CACNA2D4: variants seen among roughly 807,000 people sequenced by gnomAD.
CACNA2D4 encodes calcium voltage-gated channel auxiliary subunit alpha2delta 4, also known as voltage-dependent calcium channel subunit alpha-2/delta-4.
A neutral mutation model predicts 163.8 loss-of-function variants in CACNA2D4; 157 were observed. That is an observed-to-expected ratio of 0.96 (90% CI 0.84 to 1.09). The LOEUF is 1.09. CACNA2D4 is among the 50% of genes least tolerant of loss of function. CACNA2D4 has a pLI of 0.00. For missense variants in CACNA2D4, 1,410 were observed against 1,479.9 expected (o/e 0.95, Z 0.78); for synonymous variants, 598 against 586.9 (o/e 1.02, Z -0.27).
At chr12:1,849,493 G>C (rs1423484328) in intron 23 of CACNA2D4, among the ~76,000 whole-genome samples, 1 of 152,176 alleles carries the variant, frequency 6.6e-6, no homozygotes, top group Non-Finnish European at 1.5e-5. Flanking sequence ...ATTCCCGTAT[G>C]TTCGATTATT....
intron 26 of CACNA2D4, among the ~76,000 whole-genome samples, chr12:1,816,771 GAC>G (rs1448936640): frequency 4.6e-5 from 7 of 152,038 alleles, no homozygotes; most frequent in South Asian, 2.1e-4. Flanking sequence ...CACACACATG[GAC>G]ACACACATAT....
At chr12:1,886,607 A>C (rs564038867) in intron 7 of CACNA2D4, among the ~76,000 whole-genome samples, 1 of 152,228 alleles carries the variant, frequency 6.6e-6, no homozygotes, top group Non-Finnish European at 1.5e-5. Flanking sequence ...CAAGCCCTGG[A>C]GGTAACGCTT....
At position 1,875,492 on chromosome 12, in the gene CACNA2D4, T is replaced by G. The variant is rs1248073516; in HGVS notation, c.1720-155A>C. 6.6e-6 allele frequency among the ~76,000 whole-genome samples: 1 copy of G among 152,162 alleles called. No homozygotes were observed. Among genetic ancestry groups the G allele is most frequent in the Non-Finnish European group, 1.5e-5 (1 of 68,014 alleles). ...ATTACTTAAGGTTATCTGGGCAAATTCCACCTGATACAGAGCTCCCCTTAC... is the reference window on the plus strand; with the variant it reads ...ATTACTTAAGGTTATCTGGGCAAATGCCACCTGATACAGAGCTCCCCTTAC... On this transcript the variant is annotated intron_variant, in intron 16 of 37. Transcript: ENST00000382722. This position sits in a 1 kb window ranked among gnomAD's most constrained non-coding sequence, Gnocchi z 4.0.
At chr12:1,864,237 A>G (rs1865591253) in intron 18 of CACNA2D4, among the ~76,000 whole-genome samples, 1 of 152,196 alleles carries the variant, frequency 6.6e-6, no homozygotes, top group Admixed American at 6.5e-5. Flanking sequence ...TAAGGCTTAA[A>G]TCTGAGTGCA....
At chr12:1,840,519 CT>C (rs1271807794) in intron 26 of CACNA2D4, among the ~76,000 whole-genome samples, 2 of 152,176 alleles carry the variant, frequency 1.3e-5, no homozygotes, top group Non-Finnish European at 2.9e-5. Context: ...CCTAGCCTCT[CT>C]GGGCTTCATT....
At chr12:1,813,929 C>T (rs1358730496) in intron 26 of CACNA2D4, among the ~76,000 whole-genome samples, 2 of 152,158 alleles carry the variant, frequency 1.3e-5, no homozygotes, top group South Asian at 2.1e-4. Context: ...TCTAAGGTTG[C>T]GGGGACCCCT....
chr12:1,875,953 A>T lies in CACNA2D4; in HGVS notation c.1720-616T>A, dbSNP rs568766668. On this transcript the variant is annotated intron_variant, in intron 16 of 37. Coordinates refer to ENST00000382722, the MANE Select transcript of CACNA2D4 (RefSeq NM_172364.5). This position sits in a 1 kb window ranked among gnomAD's most constrained non-coding sequence, Gnocchi z 4.0. Reference sequence around the variant, plus strand: ...TGCACTAAGGCGTCAGGGGGCCCTGACTGCTGCCTGCGGTTCTGCTGTTTT... The same window carrying T: ...TGCACTAAGGCGTCAGGGGGCCCTGTCTGCTGCCTGCGGTTCTGCTGTTTT... Among the ~76,000 whole-genome samples the T allele has an allele frequency of 6.6e-6, 1 of 152,196 alleles. No homozygotes were observed. Among genetic ancestry groups the T allele is most frequent in the African/African-American group, 2.4e-5 (1 of 41,510 alleles).
intron 7 of CACNA2D4, 129 bp downstream of exon 7, chr12:1,886,880 A>G: frequency 1.6e-6 from 1 of 637,938 alleles, no homozygotes; most frequent in Non-Finnish European, 2.9e-6. Context: ...GTGTCGGGCT[A>G]GGGTTCTACA....
At chr12:1,903,733 G>A (rs1592746658) in intron 6 of CACNA2D4, among the ~76,000 whole-genome samples, 1 of 151,880 alleles carries the variant, frequency 6.6e-6, no homozygotes, top group East Asian at 1.9e-4. Flanking sequence ...ATGCTGGCAA[G>A]GACTTGGAGA....
At chr12:1,860,276 G>A (rs996055467) in intron 18 of CACNA2D4, 70 bp from the exon 19 acceptor site, 2 of 1,151,326 alleles carry the variant, frequency 1.7e-6, no homozygotes, top group Admixed American at 3.6e-5. Context: ...CTCGCCCCCA[G>A]GGCTCTTGGG....
Position 1,829,792 on chromosome 12 carries a change from G to T in CACNA2D4, c.2551+10947C>A, listed in dbSNP as rs935202041. 6.6e-6 allele frequency among the ~76,000 whole-genome samples: 1 copy of T among 151,642 alleles called. No individual in the cohort carries two copies. Among genetic ancestry groups the T allele is most frequent in the Non-Finnish European group, 1.5e-5 (1 of 67,858 alleles). ...AACTTCTCCATCAGTTCTCTGGCTG[G>T]GGTCTTTTCTCTAGGCTGGGTGGAA... is the stretch of plus-strand genomic sequence containing the variant. On this transcript the variant is annotated intron_variant, in intron 26 of 37. Coordinates refer to ENST00000382722, the MANE Select transcript of CACNA2D4 (RefSeq NM_172364.5). The surrounding 1 kb of genome is among the most constrained non-coding windows in gnomAD (Gnocchi z 4.2).
intron 23 of CACNA2D4, among the ~76,000 whole-genome samples, chr12:1,850,513 A>ATAAGT (rs1258484081): frequency 6.6e-6 from 1 of 152,152 alleles, no homozygotes; most frequent in Admixed American, 6.5e-5. Context: ...TATCTGTTTT[A>ATAAGT]TAAGTTGCAA....
chr12:1,841,598 G>A (rs1004543789), intron 25 of CACNA2D4, among the ~76,000 whole-genome samples: 1 of 152,216 alleles, frequency 6.6e-6, no homozygotes, highest in African/African-American at 2.4e-5. Context: ...CCTTGGCCCC[G>A]GACTTGAATT....
At chr12:1,821,208 G>T (rs1435459661) in intron 26 of CACNA2D4, among the ~76,000 whole-genome samples, 1 of 152,224 alleles carries the variant, frequency 6.6e-6, no homozygotes, top group Non-Finnish European at 1.5e-5. Context: ...CGGGGGTCAT[G>T]GGAAGCGGTT....
intron 23 of CACNA2D4, among the ~76,000 whole-genome samples, chr12:1,850,834 CT>C: frequency 6.7e-6 from 1 of 149,502 alleles, no homozygotes. Flanking sequence ...GAATGGCGAG[CT>C]TGTGCCACTG....
chr12:1,822,560 G>T (rs944393988), intron 26 of CACNA2D4, among the ~76,000 whole-genome samples: 2 of 152,226 alleles, frequency 1.3e-5, no homozygotes, highest in Admixed American at 1.3e-4. Flanking sequence ...GGCCACTCAG[G>T]AGGCTTCTCT....
At chr12:1,857,737 C>T (rs1022298753) in intron 20 of CACNA2D4, among the ~76,000 whole-genome samples, 1 of 152,174 alleles carries the variant, frequency 6.6e-6, no homozygotes, top group African/African-American at 2.4e-5. Flanking sequence ...TCTGCCATCT[C>T]ACTTTGGTTC....
rs1813747603 is a variant in CACNA2D4 at position 1,829,698 on chromosome 12, C to A, written c.2551+11041G>T. On this transcript the variant is annotated intron_variant, in intron 26 of 37. Transcript: ENST00000382722. This position sits in a 1 kb window ranked among gnomAD's most constrained non-coding sequence, Gnocchi z 4.2. ...ACCCAGCTCACAGCCCATCGGCCCACCCCGACCTGGGACAGCCAGGTCCCA... is the reference window on the plus strand; with the variant it reads ...ACCCAGCTCACAGCCCATCGGCCCAACCCGACCTGGGACAGCCAGGTCCCA... Among the ~76,000 whole-genome samples the A allele has an allele frequency of 1.3e-5, 2 of 149,310 alleles. No homozygotes were observed. Among genetic ancestry groups the A allele is most frequent in the Non-Finnish European group, 1.5e-5 (1 of 67,168 alleles).
chr12:1,885,005 G>T lies in CACNA2D4; in HGVS notation c.1140C>A (p.Ala380=), dbSNP rs759950514. 3.7e-6 allele frequency: 6 copies of T among 1,613,784 alleles called. No homozygotes were observed. In the African/African-American group the frequency reaches 5.3e-5, roughly 14 times the overall value. Residue 380 remains alanine, a synonymous_variant, in exon 10 of 38, where the codon GCC becomes GCA. Transcript: ENST00000382722. ...VGVVDQALRE[A]FQILKQFQEA... is the part of the protein sequence containing the mutation. ...TGGGCACCTGCTTCAGGATCTGGAAGGCTTCTCTCAGGGCTTGGTCCACGA... is the reference window on the plus strand; with the variant it reads ...TGGGCACCTGCTTCAGGATCTGGAATGCTTCTCTCAGGGCTTGGTCCACGA...
Sources: allele counts gnomAD v4.1 joint callset (sites outside exome capture counted in the v4.1 genomes callset), GRCh38; gene constraint gnomAD v4.1.1; non-coding constraint Gnocchi (gnomAD v3.1); transcripts MANE v1.5; gene names NCBI Gene and HGNC (gene_info 2026-07-23, HGNC 2026-07-21).